DTX1: variants seen among roughly 807,000 people sequenced by gnomAD.
DTX1 encodes the protein E3 ubiquitin-protein ligase DTX1.
Under a neutral mutation model 57.8 loss-of-function variants are expected in DTX1, and 26 were observed. The ratio of observed to expected loss-of-function variants is 0.45; its 90% confidence interval spans 0.33 to 0.62. The LOEUF is 0.62. Ranked by LOEUF, DTX1 falls within the 20% of genes least tolerant of loss-of-function variation. The probability of loss-of-function intolerance (pLI) is 0.02; values close to 1 mark genes in which losing one functional copy is unlikely to be tolerated. For missense variants in DTX1, 704 were observed against 895.3 expected (o/e 0.79, Z 2.73); for synonymous variants, 398 against 394.1 (o/e 1.01, Z -0.12).
chr12:113,074,369 ATC>A (rs1324931166), intron 2 of DTX1, among the ~76,000 whole-genome samples: 1 of 152,212 alleles, frequency 6.6e-6, no homozygotes, highest in Non-Finnish European at 1.5e-5. Flanking sequence ...TGATGAGAAC[ATC>A]TGGGAATGGT....
chr12:113,084,179 G>A (rs1175338114), intron 3 of DTX1, among the ~76,000 whole-genome samples: 1 of 152,190 alleles, frequency 6.6e-6, no homozygotes, highest in African/African-American at 2.4e-5. Flanking sequence ...GGAGCCAGCT[G>A]GCAGCCTGGG....
chr12:113,077,996 C>G lies in DTX1; in HGVS notation c.832C>G (p.Arg278Gly). ...CGCGCCGCCTCCCGGGGCGCCCCCA[C>G]GGAGCCCGGGCGCCCCCGGCGGAGC... The part of the protein sequence containing the change: ...EPAPPPGAPP[R>G]SPGAPGGART... Residue 278 changes from arginine to glycine, a missense_variant, in exon 3 of 10, where the codon CGG becomes GGG. This residue lies in a region of DTX1 where 299 missense variants were observed against 311.2 expected (regional missense o/e 0.96). Coordinates refer to ENST00000548759, the MANE Select transcript of DTX1 (RefSeq NM_004416.3). This position sits in a 1 kb window ranked among gnomAD's most constrained non-coding sequence, Gnocchi z 7.8. 9.2e-7 allele frequency: 1 copy of G among 1,088,000 alleles called. No individual in the cohort carries two copies. The highest frequency in any genetic ancestry group is 1.1e-6 in the Non-Finnish European group (1 of 896,784). The allele number at this position is 1,088,000 out of a possible 1,614,324, so 67.4% of individuals were successfully genotyped here.
At chr12:113,066,452 C>T (rs553117604) in intron 2 of DTX1, among the ~76,000 whole-genome samples, 405 of 151,358 alleles carry the variant, frequency 2.7e-3, no homozygotes, top group African/African-American at 9.3e-3. Context: ...CACTTGAACC[C>T]GGGAGGTGGA....
Position 113,078,011 on chromosome 12 carries a change from C to G in DTX1, c.847C>G (p.Pro283Ala). The G allele has an allele frequency of 8.7e-7, 1 of 1,149,896 alleles. No homozygotes were observed. The highest frequency in any genetic ancestry group is 1.6e-5 in the African/African-American group (1 of 61,178). 71.2% of individuals were successfully genotyped at this position (1,149,896 alleles called of 1,614,324 possible). A position where few individuals can be genotyped will look rare whatever the true frequency, so the allele number is the denominator to read the frequency against. ...GGCGCCCCCACGGAGCCCGGGCGCC[C>G]CCGGCGGAGCGCGCACCCCGGGGCA... ...PGAPPRSPGA[P>A]GGARTPGQNN... is the part of the protein sequence containing the mutation. The change falls in exon 3 of 10, where the codon CCC becomes GCC. Residue 283 changes from proline to alanine, a missense_variant. Coordinates refer to ENST00000548759, the MANE Select transcript of DTX1 (RefSeq NM_004416.3).
At chr12:113,088,551 A>G (rs1277923291) in intron 3 of DTX1, among the ~76,000 whole-genome samples, 1 of 152,264 alleles carries the variant, frequency 6.6e-6, no homozygotes, top group Non-Finnish European at 1.5e-5. Context: ...TGGCACATGT[A>G]TACATATTTA....
chr12:113,082,111 C>T (rs1221515980), intron 3 of DTX1, among the ~76,000 whole-genome samples: 2 of 152,178 alleles, frequency 1.3e-5, no homozygotes, highest in African/African-American at 2.4e-5. Context: ...ATTTCTCCTG[C>T]CCCTCCCCTT....
At chr12:113,092,083 G>A (rs1950252221) in intron 3 of DTX1, among the ~76,000 whole-genome samples, 1 of 152,204 alleles carries the variant, frequency 6.6e-6, no homozygotes, top group East Asian at 1.9e-4. Context: ...AGGTAACTGA[G>A]GATCAAGAAG....
intron 2 of DTX1, among the ~76,000 whole-genome samples, chr12:113,071,526 G>A (rs1263124861): frequency 6.6e-6 from 1 of 152,264 alleles, no homozygotes; most frequent in Non-Finnish European, 1.5e-5. Context: ...GAAGGCCAGA[G>A]TGGGGTGTGG....
At position 113,094,111 on chromosome 12, in the gene DTX1, A is replaced by C. The variant is rs772927773; in HGVS notation, c.1227+12A>C. The C allele has an allele frequency of 3.9e-5, 22 of 562,380 alleles. No individual in the cohort carries two copies. Among genetic ancestry groups the C allele is most frequent in the Non-Finnish European group, 4.5e-5 (14 of 309,026 alleles). 34.8% of individuals were successfully genotyped at this position (562,380 alleles called of 1,614,324 possible). On this transcript the variant is annotated intron_variant, in intron 6 of 9. Transcript: ENST00000548759. Reference sequence around the variant, plus strand: ...ACCCACCTGATGAGGTGAGGAGGGGATGGGGGGGCTGGGGGAGGGCCCTGG... The same window carrying C: ...ACCCACCTGATGAGGTGAGGAGGGGCTGGGGGGGCTGGGGGAGGGCCCTGG...
intron 3 of DTX1, among the ~76,000 whole-genome samples, chr12:113,087,143 G>GC (rs527483421): frequency 1.2e-3 from 175 of 149,090 alleles, no homozygotes; most frequent in African/African-American, 4.3e-3. Context: ...GACCCCCGCA[G>GC]CCCCCATACC....
chr12:113,082,458 C>T (rs1033702974), intron 3 of DTX1, among the ~76,000 whole-genome samples: 5 of 152,094 alleles, frequency 3.3e-5, no homozygotes, highest in African/African-American at 1.2e-4. Context: ...ACAGCTGAGG[C>T]CCAAGTGCAG....
intron 2 of DTX1, among the ~76,000 whole-genome samples, chr12:113,066,188 G>T (rs1431653751): frequency 3.9e-5 from 6 of 152,210 alleles, no homozygotes; most frequent in Non-Finnish European, 7.3e-5. Flanking sequence ...AATGCTGTTG[G>T]TGAGGGCCAG....
chr12:113,068,093 T>A (rs934125610), intron 2 of DTX1, among the ~76,000 whole-genome samples: 2 of 152,204 alleles, frequency 1.3e-5, no homozygotes, highest in East Asian at 3.8e-4. Context: ...GTAAATAGCA[T>A]GTGAACCAGA....
Position 113,057,849 on chromosome 12 carries a change from C to G in DTX1, c.-344C>G. 6.8e-6 allele frequency: 2 copies of G among 292,008 alleles called. No individual in the cohort carries two copies. The highest frequency in any genetic ancestry group is 7.2e-5 in the East Asian group (1 of 13,918). 18.1% of individuals were successfully genotyped at this position (292,008 alleles called of 1,614,324 possible). On this transcript the variant is annotated 5_prime_UTR_variant, in exon 2 of 10. Coordinates refer to ENST00000548759, the MANE Select transcript of DTX1 (RefSeq NM_004416.3). ...GGACCAAGAGACAACACGGAAGAGG[C>G]TGGACCTCGAACAGGGGCGGCTGCC... is the stretch of plus-strand genomic sequence containing the variant.
chr12:113,081,339 A>T (rs542375503), intron 3 of DTX1, among the ~76,000 whole-genome samples: 23 of 152,302 alleles, frequency 1.5e-4, no homozygotes, highest in Middle Eastern at 6.8e-3. Flanking sequence ...CAAAAAAATT[A>T]AAAAAAGAGA....
In DTX1 at chr12:113,097,061, C is replaced by A; in HGVS notation, c.*122C>A. The A allele has an allele frequency of 8.9e-7, 1 of 1,117,334 alleles. No individual in the cohort carries two copies. Among genetic ancestry groups the A allele is most frequent in the Non-Finnish European group, 1.2e-6 (1 of 806,636 alleles). The allele number at this position is 1,117,334 out of a possible 1,614,324, so 69.2% of individuals were successfully genotyped here. The stretch of plus-strand genomic sequence containing the variant: ...GAGGAGCCTGCGGAAGGGGCCGCAG[C>A]CATTCAGGGGACCTGCCTGGTGGCA... On this transcript the variant is annotated 3_prime_UTR_variant, in exon 10 of 10. Coordinates refer to ENST00000548759, the MANE Select transcript of DTX1 (RefSeq NM_004416.3).
chr12:113,087,881 G>A (rs891095542), intron 3 of DTX1, among the ~76,000 whole-genome samples: 3 of 152,188 alleles, frequency 2.0e-5, no homozygotes, highest in Non-Finnish European at 4.4e-5. Context: ...CCTAAAGGGA[G>A]GGTCAGTTGT....
chr12:113,074,450 T>C (rs2044756935), intron 2 of DTX1, among the ~76,000 whole-genome samples: 1 of 152,044 alleles, frequency 6.6e-6, no homozygotes, highest in Non-Finnish European at 1.5e-5. Context: ...CCTGGTGTAT[T>C]TGAGGAACAG....
At chr12:113,080,133 G>A (rs1007133888) in intron 3 of DTX1, among the ~76,000 whole-genome samples, 18 of 152,296 alleles carry the variant, frequency 1.2e-4, no homozygotes, top group African/African-American at 3.4e-4. Context: ...CATTCCTCTC[G>A]GAGGAGAGGG....
Sources: gnomAD v4.1 joint callset for allele counts (sites outside exome capture counted in the v4.1 genomes callset) on GRCh38, gnomAD v4.1.1 for gene constraint, gnomAD v4.1.1 regional missense constraint, Gnocchi (gnomAD v3.1) non-coding constraint, MANE v1.5 for transcripts, NCBI Gene and HGNC (gene_info 2026-07-23, HGNC 2026-07-21) for gene names.